The following SCN3A variants were observed in gnomAD, a reference collection of about 807,000 sequenced individuals.
The protein encoded by SCN3A is sodium channel protein type 3 subunit alpha.
In SCN3A, 60 loss-of-function variants were observed where a neutral mutation model predicts 187.6. The ratio of observed to expected loss-of-function variants is 0.32; its 90% CI spans 0.26 to 0.40. SCN3A has a LOEUF of 0.40. SCN3A is among the 10% of genes least tolerant of loss of function. SCN3A has a pLI of 1.00. For missense variants in SCN3A, 1,601 were observed against 2,428.2 expected, an observed-to-expected ratio of 0.66 and a Z score of 7.16; for synonymous variants, 788 against 829.2, an observed-to-expected ratio of 0.95 and a Z score of 0.85.
chr2:165,194,488 A>T (rs1376576881), intron 1 of SCN3A, among the ~76,000 whole-genome samples: 1 of 152,118 alleles, frequency 6.6e-6, no homozygotes, highest in Non-Finnish European at 1.5e-5. Flanking sequence ...GGATATATTC[A>T]TTTTTAGAAG....
Position 165,127,668 on chromosome 2 carries a change from T to C in SCN3A, c.3356A>G (p.Glu1119Gly). The change falls in exon 18 of 28, where the codon GAG becomes GGG. Residue 1119 changes from glutamate (E) to glycine (G), a missense_variant. Coordinates refer to ENST00000283254, the MANE Select transcript of SCN3A (RefSeq NM_006922.4). ...TTCTAGTTCTGACTCACTGCTGAAC[T>C]CTTCAGTATTTAAGTTTTCAAAGTC... ...ESDFENLNTEEFSSESELEES... is the reference protein window; with the variant it reads ...ESDFENLNTEGFSSESELEES... 6.2e-7 allele frequency: 1 copy of C among 1,614,150 alleles called. No homozygotes were observed. Among genetic ancestry groups the C allele is most frequent in the Non-Finnish European group, 8.5e-7 (1 of 1,180,016 alleles).
At chr2:165,162,182 G>A (rs1039070798) in intron 9 of SCN3A, 126 bp downstream of exon 9, 1 of 836,632 alleles carries the variant, frequency 1.2e-6, no homozygotes, top group Non-Finnish European at 1.9e-6. Context: ...CACTTCCTAG[G>A]GGAGCAGCAC....
intron 11 of SCN3A, among the ~76,000 whole-genome samples, chr2:165,151,788 T>C (rs1187745835): frequency 1.3e-5 from 2 of 152,098 alleles, no homozygotes; most frequent in African/African-American, 4.8e-5. Context: ...ACTGAGAAGA[T>C]TATTCACCAA....
At chr2:165,127,115 A>G (rs1687042206) in intron 18 of SCN3A, among the ~76,000 whole-genome samples, 1 of 152,194 alleles carries the variant, frequency 6.6e-6, no homozygotes, top group African/African-American at 2.4e-5. Context: ...GTTGAGTAGA[A>G]TGATGTGATC....
At chr2:165,141,620 T>TA (rs1207729604) in intron 12 of SCN3A, among the ~76,000 whole-genome samples, 3 of 152,204 alleles carry the variant, frequency 2.0e-5, no homozygotes, top group Non-Finnish European at 4.4e-5. Context: ...TCACAAAACT[T>TA]ACCTACGATG....
chr2:165,164,130 G>A lies in SCN3A; in HGVS notation c.602+262C>T, dbSNP rs146579498. Among the ~76,000 whole-genome samples, 79 of 152,244 alleles carry A rather than the reference G, an allele frequency of 5.2e-4. No individual in the cohort carries two copies. The East Asian group carries it at 0.013, about 25-fold the overall frequency. ...CAAAACTAATCCAAGTACAGTTGTT[G>A]CTATTAAATTGTAGTCAATGAATAA... On this transcript the variant is annotated intron_variant, in intron 6 of 27. Transcript: ENST00000283254.
chr2:165,153,987 ATTTTT>A (rs71393659), intron 11 of SCN3A, among the ~76,000 whole-genome samples: 16 of 92,766 alleles, frequency 1.7e-4, no homozygotes, highest in South Asian at 4.1e-4. Flanking sequence ...TATAGCAAAC[ATTTTT>A]TTTTTTTTTT....
At chr2:165,201,458 T>A (rs951582563) in intron 1 of SCN3A, among the ~76,000 whole-genome samples, 3 of 152,122 alleles carry the variant, frequency 2.0e-5, no homozygotes, top group Non-Finnish European at 4.4e-5. Context: ...ATGTTTGTCC[T>A]GTTCCTTTTG....
At chr2:165,106,221 G>A (rs1057213889) in intron 21 of SCN3A, among the ~76,000 whole-genome samples, 1 of 148,680 alleles carries the variant, frequency 6.7e-6, no homozygotes, top group East Asian at 1.9e-4. Flanking sequence ...CAGTGGGGGA[G>A]GGGTCTTTAA....
At chr2:165,164,989 A>G (rs1443643076) in intron 5 of SCN3A, among the ~76,000 whole-genome samples, 2 of 152,208 alleles carry the variant, frequency 1.3e-5, no homozygotes, top group Non-Finnish European at 2.9e-5. Context: ...TCAAGGTTCC[A>G]TAGCCATATG....
chr2:165,183,854 T>C (rs983117912), intron 2 of SCN3A, among the ~76,000 whole-genome samples: 1 of 152,136 alleles, frequency 6.6e-6, no homozygotes, highest in Non-Finnish European at 1.5e-5. Context: ...CTGTATGTCA[T>C]ACAACTTGAG....
At chr2:165,141,508 TA>T (rs1041475447) in intron 12 of SCN3A, among the ~76,000 whole-genome samples, 1 of 152,226 alleles carries the variant, frequency 6.6e-6, no homozygotes, top group Non-Finnish European at 1.5e-5. Context: ...ATTACTTTTT[TA>T]AAAAACTACT....
At chr2:165,168,857 G>T in intron 4 of SCN3A, 32 bp from the exon 5 acceptor site, 2 of 1,435,360 alleles carry the variant, frequency 1.4e-6, no homozygotes, top group Non-Finnish European at 2.0e-6. Context: ...AATGTTAGTA[G>T]GTTACCATGG....
rs71393659 is a variant in SCN3A at position 165,153,987 on chromosome 2, ATTTTTTT to A, written c.1380+458_1380+464del. On this transcript the variant is annotated intron_variant, in intron 11 of 27. Coordinates refer to ENST00000283254, the MANE Select transcript of SCN3A (RefSeq NM_006922.4). ...TATCCTGATGTGGGCTATAGCAAAC[ATTTTTTT>A]TTTTTTTTTTTTTTGCTACAGAAAT... is the stretch of plus-strand genomic sequence containing the variant. Among the ~76,000 whole-genome samples, 69 of 92,772 alleles carry A rather than the reference ATTTTTTT, an allele frequency of 7.4e-4. 2 individuals carry two copies. Among genetic ancestry groups the A allele is most frequent in the African/African-American group, 2.8e-3 (60 of 21,284 alleles). 60.9% of individuals were successfully genotyped at this position (92,772 alleles called of 152,430 possible). A position where few individuals can be genotyped will look rare whatever the true frequency, so the allele number is the denominator to read the frequency against.
chr2:165,111,605 T>C (rs1559192252), intron 21 of SCN3A, among the ~76,000 whole-genome samples: 1 of 151,972 alleles, frequency 6.6e-6, no homozygotes, highest in African/African-American at 2.4e-5. Flanking sequence ...GAGCACTGAA[T>C]TGAGAATTAG....
At chr2:165,162,038 C>G (rs1181775666) in intron 9 of SCN3A, among the ~76,000 whole-genome samples, 1 of 152,176 alleles carries the variant, frequency 6.6e-6, no homozygotes, top group Non-Finnish European at 1.5e-5. Flanking sequence ...AAGACAGACT[C>G]TGGGCCTTCA....
intron 17 of SCN3A, among the ~76,000 whole-genome samples, chr2:165,129,730 G>T (rs1205844159): frequency 6.6e-6 from 1 of 152,188 alleles, no homozygotes; most frequent in Non-Finnish European, 1.5e-5. Flanking sequence ...TTAAAGATAT[G>T]ATTTCAGTTT....
Position 165,092,618 on chromosome 2 carries a change from T to A in SCN3A, c.4537-94A>T. Reference sequence around the variant, plus strand: ...AGATAAAGCCCTTCCACATACGGGATGGATGTGCACCCTCCTCATATTACC... The same window carrying A: ...AGATAAAGCCCTTCCACATACGGGAAGGATGTGCACCCTCCTCATATTACC... On this transcript the variant is annotated intron_variant, in intron 26 of 27. Transcript: ENST00000283254. This position sits in a 1 kb window ranked among gnomAD's most constrained non-coding sequence, Gnocchi z 4.2. The A allele has an allele frequency of 1.1e-5, 13 of 1,159,760 alleles. No individual in the cohort carries two copies. Among genetic ancestry groups the A allele is most frequent in the Non-Finnish European group, 1.7e-5 (13 of 786,482 alleles). The allele number at this position is 1,159,760 out of a possible 1,614,324, so 71.8% of individuals were successfully genotyped here. A position where few individuals can be genotyped will look rare whatever the true frequency, so the allele number is the denominator to read the frequency against.
chr2:165,092,649 CA>C lies in SCN3A; in HGVS notation c.4537-126del. On this transcript the variant is annotated intron_variant, in intron 26 of 27. Transcript: ENST00000283254. The surrounding 1 kb of genome is among the most constrained non-coding windows in gnomAD (Gnocchi z 4.2). ...TGCACCCTCCTCATATTACCCCAAA[CA>C]ATTTTGTGTGCTTTTTTTCTCTTCA... 1 of 848,842 alleles carries C rather than the reference CA, an allele frequency of 1.2e-6. No homozygotes were observed. The highest frequency in any genetic ancestry group is 1.7e-5 in the South Asian group (1 of 58,392). The allele number at this position is 848,842 out of a possible 1,614,324, so 52.6% of individuals were successfully genotyped here. A position where few individuals can be genotyped will look rare whatever the true frequency, so the allele number is the denominator to read the frequency against.
Sources: gnomAD v4.1 joint callset for allele counts (sites outside exome capture counted in the v4.1 genomes callset) on GRCh38, gnomAD v4.1.1 for gene constraint, Gnocchi (gnomAD v3.1) non-coding constraint, MANE v1.5 for transcripts, NCBI Gene and HGNC (gene_info 2026-07-23, HGNC 2026-07-21) for gene names.